Variants in TTC23 observed in about 807,000 individuals in gnomAD.
The protein encoded by TTC23 is tetratricopeptide repeat protein 23.
A neutral mutation model predicts 55.1 loss-of-function variants in TTC23; 58 were observed. The ratio of observed to expected loss-of-function variants is 1.05; its 90% CI spans 0.85 to 1.31. TTC23 has a LOEUF of 1.31. Among genes scored for constraint, TTC23 ranks in the 50% most tolerant of loss-of-function variants. The probability of loss-of-function intolerance (pLI) is 0.00; values close to 1 mark genes in which losing one functional copy is unlikely to be tolerated. For missense variants in TTC23, 516 were observed against 534.4 expected (o/e 0.97, Z 0.34); for synonymous variants, 203 against 199.9 (o/e 1.02, Z -0.13).
intron 12 of TTC23, among the ~76,000 whole-genome samples, chr15:99,142,126 G>A (rs1329112603): frequency 6.6e-6 from 1 of 152,134 alleles, no homozygotes; most frequent in Non-Finnish European, 1.5e-5. Flanking sequence ...AAGCTCCGTT[G>A]CTCTGAGGGG....
intron 9 of TTC23, among the ~76,000 whole-genome samples, chr15:99,191,877 G>A (rs7184041): frequency 0.014 from 2,100 of 152,308 alleles, 48 homozygotes; most frequent in African/African-American, 0.047. Context: ...CTAGATACTT[G>A]TTGAATGGCT....
chr15:99,171,637 A>C (rs1366785443), intron 10 of TTC23, among the ~76,000 whole-genome samples: 5 of 137,946 alleles, frequency 3.6e-5, no homozygotes, highest in African/African-American at 1.4e-4. Flanking sequence ...ATCTCGGCTC[A>C]CGGCAACCTC....
At chr15:99,193,704 CT>C (rs1366064061) in intron 9 of TTC23, among the ~76,000 whole-genome samples, 8 of 151,442 alleles carry the variant, frequency 5.3e-5, no homozygotes, top group South Asian at 2.1e-4. Context: ...TTTTTTTGAA[CT>C]TTTGAAAGTT....
chr15:99,214,155 T>C (rs1178082592), intron 8 of TTC23, among the ~76,000 whole-genome samples: 1 of 152,118 alleles, frequency 6.6e-6, no homozygotes, highest in Non-Finnish European at 1.5e-5. Flanking sequence ...TGCTTTGTCA[T>C]CCAGGCTGGA....
intron 10 of TTC23, among the ~76,000 whole-genome samples, chr15:99,172,808 G>T (rs1298593716): frequency 6.6e-6 from 1 of 152,166 alleles, no homozygotes; most frequent in Non-Finnish European, 1.5e-5. Flanking sequence ...TTTATCATCT[G>T]TATCAAGTAG....
chr15:99,239,246 G>A (rs924770622), intron 3 of TTC23, among the ~76,000 whole-genome samples: 5 of 152,180 alleles, frequency 3.3e-5, no homozygotes, highest in Non-Finnish European at 5.9e-5. Context: ...CAGCACTGTG[G>A]GAGGTCGAGG....
chr15:99,224,760 C>T (rs1034807435), intron 5 of TTC23, among the ~76,000 whole-genome samples: 1 of 152,160 alleles, frequency 6.6e-6, no homozygotes, highest in African/African-American at 2.4e-5. Context: ...CAGAAATGCC[C>T]CTTACGTTGA....
intron 5 of TTC23, among the ~76,000 whole-genome samples, chr15:99,226,744 C>T (rs558307178): frequency 2.0e-4 from 30 of 152,274 alleles, no homozygotes; most frequent in South Asian, 4.1e-4. Context: ...TCCACACTGG[C>T]TCTTCTCTTC....
At chr15:99,165,953 C>T (rs2072018952) in intron 10 of TTC23, among the ~76,000 whole-genome samples, 1 of 152,178 alleles carries the variant, frequency 6.6e-6, no homozygotes, top group Non-Finnish European at 1.5e-5. Flanking sequence ...TGGGAGTCAA[C>T]TGAAGAACGT....
chr15:99,184,180 C>T (rs2074440794), intron 9 of TTC23, among the ~76,000 whole-genome samples: 2 of 152,202 alleles, frequency 1.3e-5, no homozygotes, highest in Admixed American at 6.5e-5. Context: ...TCACAGAGAA[C>T]CTCTGCTAGG....
At chr15:99,204,401 T>C (rs778799018) in intron 8 of TTC23, among the ~76,000 whole-genome samples, 4 of 152,122 alleles carry the variant, frequency 2.6e-5, no homozygotes, top group African/African-American at 4.8e-5. Context: ...GACAGATGGG[T>C]AGTTTGCAAA....
At chr15:99,247,896 C>T (rs945319875) in intron 1 of TTC23, among the ~76,000 whole-genome samples, 1 of 151,754 alleles carries the variant, frequency 6.6e-6, no homozygotes, top group Admixed American at 6.6e-5. Flanking sequence ...GAGTTATATC[C>T]TTAAGACAAA....
intron 12 of TTC23, among the ~76,000 whole-genome samples, chr15:99,144,140 A>C (rs1555491791): frequency 6.6e-6 from 1 of 152,200 alleles, no homozygotes; most frequent in East Asian, 1.9e-4. Flanking sequence ...GACAATCTTA[A>C]GCATTTGATG....
intron 9 of TTC23, among the ~76,000 whole-genome samples, chr15:99,184,288 G>A (rs531455021): frequency 1.3e-5 from 2 of 152,266 alleles, no homozygotes; most frequent in African/African-American, 4.8e-5. Context: ...CGGTCCTCCA[G>A]ACCCCAGAAT....
At chr15:99,242,796 A>G (rs868453186) in intron 2 of TTC23, among the ~76,000 whole-genome samples, 2 of 152,222 alleles carry the variant, frequency 1.3e-5, no homozygotes, top group Non-Finnish European at 2.9e-5. Context: ...AATCATGATT[A>G]AAAAAACTTC....
chr15:99,226,397 A>C (rs1205201735), intron 5 of TTC23, among the ~76,000 whole-genome samples: 1 of 152,236 alleles, frequency 6.6e-6, no homozygotes, highest in East Asian at 1.9e-4. Context: ...AAACAATTAG[A>C]GTCAGAGAAC....
chr15:99,140,074 T>TTTTA (rs2068052155), intron 12 of TTC23: 2 of 201,518 alleles, frequency 9.9e-6, no homozygotes, highest in African/African-American at 4.7e-5. Flanking sequence ...CCAAAGACCC[T>TTTTA]TTTATTTTTT....
intron 12 of TTC23, among the ~76,000 whole-genome samples, chr15:99,154,879 A>G (rs187464220): frequency 2.1e-3 from 321 of 152,376 alleles, no homozygotes; most frequent in Non-Finnish European, 3.4e-3. Context: ...AGAGGCATTT[A>G]CACTAAGATC....
At chr15:99,218,520 T>G (rs2077650410) in intron 8 of TTC23, 68 bp downstream of exon 8, 6 of 1,602,714 alleles carry the variant, frequency 3.7e-6, no homozygotes, top group Non-Finnish European at 5.1e-6. Flanking sequence ...TCCTCCTACC[T>G]GAGACAGATT....
Sources: allele counts gnomAD v4.1 joint callset (sites outside exome capture counted in the v4.1 genomes callset), GRCh38; gene constraint gnomAD v4.1.1; transcripts MANE v1.5; gene names NCBI Gene and HGNC (gene_info 2026-07-23, HGNC 2026-07-21).